TRAPPC9: variants seen among roughly 807,000 people sequenced by gnomAD.
TRAPPC9 encodes the protein IKK2 binding protein.
In TRAPPC9, 83 loss-of-function variants were observed where a neutral mutation model predicts 124.0. The ratio of observed to expected loss-of-function variants is 0.67; its 90% CI spans 0.56 to 0.80. The LOEUF is 0.80. Ranked by LOEUF, TRAPPC9 falls within the 30% of genes least tolerant of loss-of-function variation. TRAPPC9 has a pLI of 0.00. For synonymous variants in TRAPPC9, 638 were observed against 617.5 expected (o/e 1.03, Z -0.49); for missense variants, 1,302 against 1,508.3 (o/e 0.86, Z 2.27).
At chr8:139,870,429 A>G (rs1445259295) in intron 21 of TRAPPC9, among the ~76,000 whole-genome samples, 1 of 152,216 alleles carries the variant, frequency 6.6e-6, no homozygotes. Flanking sequence ...GGAATATCAT[A>G]CAGTGCGACT....
At chr8:140,271,426 C>G (rs1324862922) in intron 15 of TRAPPC9, among the ~76,000 whole-genome samples, 1 of 152,054 alleles carries the variant, frequency 6.6e-6, no homozygotes, top group Non-Finnish European at 1.5e-5. Context: ...TAAAGGCAAA[C>G]AAATCATAGT....
chr8:139,784,543 C>CA (rs1822053977), intron 21 of TRAPPC9, among the ~76,000 whole-genome samples: 1 of 148,314 alleles, frequency 6.7e-6, no homozygotes, highest in Admixed American at 6.8e-5. Flanking sequence ...CATTGCACTC[C>CA]AGCCTGGGCA....
intron 15 of TRAPPC9, among the ~76,000 whole-genome samples, chr8:140,264,494 C>T (rs2064548606): frequency 6.6e-6 from 1 of 150,566 alleles, no homozygotes; most frequent in Non-Finnish European, 1.5e-5. Context: ...GGAATTGTTA[C>T]ATTTCACCAT....
At chr8:139,844,194 T>C (rs537452351) in intron 21 of TRAPPC9, among the ~76,000 whole-genome samples, 6 of 152,342 alleles carry the variant, frequency 3.9e-5, no homozygotes, top group African/African-American at 1.4e-4. Context: ...AGGACAGCTG[T>C]AGACTCCCAA....
intron 17 of TRAPPC9, among the ~76,000 whole-genome samples, chr8:140,067,097 C>G (rs1407280901): frequency 2.0e-5 from 3 of 152,156 alleles, no homozygotes; most frequent in Admixed American, 1.3e-4. Context: ...AGAGAAAAAG[C>G]CATGGCTTAT....
intron 9 of TRAPPC9, among the ~76,000 whole-genome samples, chr8:140,313,127 A>G (rs2066345052): frequency 6.6e-6 from 1 of 152,196 alleles, no homozygotes; most frequent in Non-Finnish European, 1.5e-5. Context: ...AATACAACAC[A>G]ACAATGTTAA....
intron 9 of TRAPPC9, among the ~76,000 whole-genome samples, chr8:140,331,215 T>C (rs530322157): frequency 3.4e-4 from 52 of 151,590 alleles, no homozygotes; most frequent in African/African-American, 1.2e-3. Context: ...GAGCATCCAC[T>C]GGGAAAAAGA....
At chr8:140,109,568 C>T (rs1587725022) in intron 17 of TRAPPC9, among the ~76,000 whole-genome samples, 1 of 152,174 alleles carries the variant, frequency 6.6e-6, no homozygotes, top group Non-Finnish European at 1.5e-5. Flanking sequence ...ATTTACCCCT[C>T]AGGGTTAAGG....
At chr8:140,043,950 C>A (rs994160279) in intron 17 of TRAPPC9, among the ~76,000 whole-genome samples, 2 of 152,146 alleles carry the variant, frequency 1.3e-5, no homozygotes, top group African/African-American at 2.4e-5. Flanking sequence ...TACCATGAGG[C>A]CTGCCTACAG....
rs113572813 is a variant in TRAPPC9, at chr8:139,749,981, G to A, written c.3056-17779C>T. On this transcript the variant is annotated intron_variant, in intron 21 of 22. Transcript: ENST00000438773. ...AGGCTTGGGCTGGCAACACAGAGACGACCAGGAGCTCACAGCCTGCAGGGG... is the reference window on the plus strand; with the variant it reads ...AGGCTTGGGCTGGCAACACAGAGACAACCAGGAGCTCACAGCCTGCAGGGG... 1.5e-4 allele frequency among the ~76,000 whole-genome samples: 23 copies of A among 152,262 alleles called. No individual in the cohort carries two copies. The East Asian group carries it at 4.1e-3, about 27-fold the overall frequency.
intron 21 of TRAPPC9, among the ~76,000 whole-genome samples, chr8:139,820,161 A>G (rs1249179307): frequency 6.6e-6 from 1 of 151,826 alleles, no homozygotes; most frequent in African/African-American, 2.4e-5. Context: ...ATGGAGAGAG[A>G]AAAAAAATTA....
At chr8:140,281,029 C>T (rs1588085449) in intron 14 of TRAPPC9, among the ~76,000 whole-genome samples, 1 of 152,358 alleles carries the variant, frequency 6.6e-6, no homozygotes, top group East Asian at 1.9e-4. Flanking sequence ...ATTCTGCTGA[C>T]CCATTCACCA....
chr8:139,764,043 G>A (rs1316015373), intron 21 of TRAPPC9, among the ~76,000 whole-genome samples: 8 of 152,200 alleles, frequency 5.3e-5, no homozygotes, highest in African/African-American at 9.7e-5. Flanking sequence ...CAGGGAGAAC[G>A]GTGTCTCAGA....
At chr8:139,774,386 G>A (rs935559343) in intron 21 of TRAPPC9, among the ~76,000 whole-genome samples, 6 of 152,192 alleles carry the variant, frequency 3.9e-5, no homozygotes, top group South Asian at 2.1e-4. Flanking sequence ...CTGGGTGTGC[G>A]TGTGTCTGCA....
At chr8:140,320,932 G>A (rs989050405) in intron 9 of TRAPPC9, among the ~76,000 whole-genome samples, 1 of 152,142 alleles carries the variant, frequency 6.6e-6, no homozygotes, top group East Asian at 1.9e-4. Flanking sequence ...TGCCCATTAC[G>A]AGTACACCTG....
intron 17 of TRAPPC9, among the ~76,000 whole-genome samples, chr8:140,107,077 G>T (rs1750636128): frequency 6.6e-6 from 1 of 152,166 alleles, no homozygotes; most frequent in Non-Finnish European, 1.5e-5. Context: ...AATGATCCAT[G>T]GCTTTAAATT....
chr8:139,795,422 A>G (rs1430305212), intron 21 of TRAPPC9, among the ~76,000 whole-genome samples: 1 of 152,100 alleles, frequency 6.6e-6, no homozygotes, highest in African/African-American at 2.4e-5. Flanking sequence ...GAGTCGGACC[A>G]GATGATCCCC....
rs909075275 is a variant in TRAPPC9, at chr8:139,742,786, C to T, written c.3056-10584G>A. Among the ~76,000 whole-genome samples, 1 of 152,190 alleles carries T rather than the reference C, an allele frequency of 6.6e-6. No homozygotes were observed. Among genetic ancestry groups the T allele is most frequent in the Non-Finnish European group, 1.5e-5 (1 of 68,036 alleles). On this transcript the variant is annotated intron_variant, in intron 21 of 22. Coordinates refer to ENST00000438773, the MANE Select transcript of TRAPPC9 (RefSeq NM_001160372.4). The surrounding 1 kb of genome is among the most constrained non-coding windows in gnomAD (Gnocchi z 4.7). ...GCAGCTGGCAGACACTCCTGGCACCCAGGAAACATTCACTGAAATGCTGCA... is the reference window on the plus strand; with the variant it reads ...GCAGCTGGCAGACACTCCTGGCACCTAGGAAACATTCACTGAAATGCTGCA...
At chr8:140,165,648 G>A (rs1026471483) in intron 17 of TRAPPC9, among the ~76,000 whole-genome samples, 3 of 148,780 alleles carry the variant, frequency 2.0e-5, no homozygotes, top group Non-Finnish European at 3.0e-5. Flanking sequence ...GGGGGGATGC[G>A]GGGAAGGAGG....
Sources: gnomAD v4.1 joint callset for allele counts (sites outside exome capture counted in the v4.1 genomes callset) on GRCh38, gnomAD v4.1.1 for gene constraint, Gnocchi (gnomAD v3.1) non-coding constraint, MANE v1.5 for transcripts, NCBI Gene and HGNC (gene_info 2026-07-23, HGNC 2026-07-21) for gene names.